Variants in RELN observed in about 807,000 individuals in gnomAD.
The protein encoded by RELN is reelin.
RELN carries 108 observed loss-of-function variants against 427.6 expected under a neutral mutation model. That is an observed-to-expected ratio of 0.25 (90% CI 0.22 to 0.30). The LOEUF is 0.30. Ranked by LOEUF, RELN falls within the 10% of genes least tolerant of loss-of-function variation. The probability of loss-of-function intolerance (pLI) is 1.00; values close to 1 mark genes in which losing one functional copy is unlikely to be tolerated. For missense variants in RELN, 3,715 were observed against 4,302.8 expected (o/e 0.86, Z 3.82); for synonymous variants, 1,524 against 1,513.4 (o/e 1.01, Z -0.16).
rs372441410 is a variant in RELN, at chr7:103,483,756, G to A, written c.10078C>T (p.Leu3360=). The A allele has an allele frequency of 6.2e-7, 1 of 1,614,120 alleles. No homozygotes were observed. Among genetic ancestry groups the A allele is most frequent in the South Asian group, 1.1e-5 (1 of 91,082 alleles). Residue 3360 remains leucine (L), a synonymous_variant, in exon 62 of 65, where the codon CTG becomes TTG. Transcript: ENST00000428762. ...CCGTTGTTGACGCTGTATTGCAGCA[G>A]CACTGCCTTGTCCACAGCGTGGGGG... ...SGPHAVDKAV[L]LQYSVNNGIT... is the part of the protein sequence containing the mutation.
At position 103,968,746 on chromosome 7, in the gene RELN, A is replaced by C. The variant is rs780777115; in HGVS notation, c.226+20385T>G. Among the ~76,000 whole-genome samples the C allele has an allele frequency of 1.3e-5, 2 of 152,208 alleles. No individual in the cohort carries two copies. Among genetic ancestry groups the C allele is most frequent in the Non-Finnish European group, 2.9e-5 (2 of 68,034 alleles). ...GAACCCATGAGAAGATGTATTTTTA[A>C]ATGATCATCCAAAAATGCTAAAGGA... is the stretch of plus-strand genomic sequence containing the variant. On this transcript the variant is annotated intron_variant, in intron 1 of 64. Transcript: ENST00000428762. The surrounding 1 kb of genome is among the most constrained non-coding windows in gnomAD (Gnocchi z 4.3).
chr7:103,856,829 A>G (rs1250577317), intron 2 of RELN, among the ~76,000 whole-genome samples: 3 of 152,092 alleles, frequency 2.0e-5, no homozygotes, highest in Admixed American at 6.6e-5. Flanking sequence ...TTTATCATGC[A>G]TGCATAATTA....
chr7:103,809,150 C>A (rs1012791843), intron 3 of RELN, among the ~76,000 whole-genome samples: 1 of 152,146 alleles, frequency 6.6e-6, no homozygotes, highest in Admixed American at 6.6e-5. Context: ...AGGAGCATTG[C>A]CTTTCCAATT....
At position 103,574,264 on chromosome 7, in the gene RELN, G is replaced by A. The variant is rs1383302501; in HGVS notation, c.4339C>T (p.His1447Tyr). Residue 1447 changes from histidine to tyrosine, a missense_variant, in exon 30 of 65, where the codon CAC becomes TAC. His to Tyr is a moderately conservative substitution (Grantham distance 83). This residue lies in a region of RELN where 2,208 missense variants were observed against 2,361.7 expected (regional missense o/e 0.93). Coordinates refer to ENST00000428762, the MANE Select transcript of RELN (RefSeq NM_005045.4). ...TCAAACCTATCGAACATCTCATTGT[G>A]ATTGGGGACATTTGACACACAGGTT... ...QGTCVSNVPNHNEMFDRFEGK... is the reference protein window; with the variant it reads ...QGTCVSNVPNYNEMFDRFEGK... The A allele has an allele frequency of 6.2e-7, 1 of 1,614,030 alleles. No individual in the cohort carries two copies. Among genetic ancestry groups the A allele is most frequent in the Non-Finnish European group, 8.5e-7 (1 of 1,180,030 alleles).
At chr7:103,508,194 A>C (rs1366841407) in intron 51 of RELN, among the ~76,000 whole-genome samples, 1 of 152,230 alleles carries the variant, frequency 6.6e-6, no homozygotes, top group African/African-American at 2.4e-5. Context: ...TGAGGCCAGC[A>C]TCATCCTGCT....
At chr7:103,512,952 A>C (rs1829464398) in intron 50 of RELN, 1 of 152,168 alleles carries the variant, frequency 6.6e-6, no homozygotes, top group Non-Finnish European at 1.5e-5. Context: ...ATTTTGTCTG[A>C]GTATATATGC....
At chr7:103,576,678 T>G (rs1831010101) in intron 28 of RELN, among the ~76,000 whole-genome samples, 1 of 152,174 alleles carries the variant, frequency 6.6e-6, no homozygotes, top group South Asian at 2.1e-4. Flanking sequence ...AGGGAAGAGT[T>G]AAGTTTGTAC....
chr7:103,563,654 T>C lies in RELN; in HGVS notation c.5210+1624A>G, dbSNP rs1411573006. On this transcript the variant is annotated intron_variant, in intron 34 of 64. Transcript: ENST00000428762. This position sits in a 1 kb window ranked among gnomAD's most constrained non-coding sequence, Gnocchi z 4.1. ...AATCTATAGTAGTGTACAGTAATAT[T>C]CTAGGCCTTCACATTCACTCACCAC... 1.3e-5 allele frequency among the ~76,000 whole-genome samples: 2 copies of C among 152,178 alleles called. No individual in the cohort carries two copies.
At chr7:103,973,259 T>C (rs905064173) in intron 1 of RELN, among the ~76,000 whole-genome samples, 4 of 152,018 alleles carry the variant, frequency 2.6e-5, no homozygotes, top group African/African-American at 9.7e-5. Flanking sequence ...TAAGAGAGAG[T>C]GTCTGTGTGG....
intron 8 of RELN, among the ~76,000 whole-genome samples, chr7:103,701,892 G>A (rs1834100565): frequency 6.6e-6 from 1 of 152,158 alleles, no homozygotes; most frequent in South Asian, 2.1e-4. Context: ...CTCAGTTTCA[G>A]CAAATGGCAT....
At position 103,573,381 on chromosome 7, in the gene RELN, T is replaced by A. The variant is rs1325240765; in HGVS notation, c.4511+711A>T. Among the ~76,000 whole-genome samples, 1 of 152,144 alleles carries A rather than the reference T, an allele frequency of 6.6e-6. No individual in the cohort carries two copies. The highest frequency in any genetic ancestry group is 1.5e-5 in the Non-Finnish European group (1 of 68,028). ...CAGTCAGTACGATGTAAATTATGCC[T>A]CAGTCCATAGCGACTGACAGAGAGT... is the stretch of plus-strand genomic sequence containing the variant. On this transcript the variant is annotated intron_variant, in intron 30 of 64. Coordinates refer to ENST00000428762, the MANE Select transcript of RELN (RefSeq NM_005045.4). The surrounding 1 kb of genome is among the most constrained non-coding windows in gnomAD (Gnocchi z 4.4).
Position 103,696,780 on chromosome 7 carries a change from C to T in RELN, c.1143+1073G>A, listed in dbSNP as rs150821990. Among the ~76,000 whole-genome samples, 102 of 152,176 alleles carry T rather than the reference C, an allele frequency of 6.7e-4. No homozygotes were observed. The South Asian group carries it at 8.3e-3, about 12-fold the overall frequency. Reference sequence around the variant, plus strand: ...CTCTGCATGCACTTTTTCTTCCTTCCGTTCAGTCCTCTATCCTCAAAGGGA... The same window carrying T: ...CTCTGCATGCACTTTTTCTTCCTTCTGTTCAGTCCTCTATCCTCAAAGGGA... On this transcript the variant is annotated intron_variant, in intron 10 of 64. Transcript: ENST00000428762.
intron 2 of RELN, among the ~76,000 whole-genome samples, chr7:103,842,574 C>T (rs1163012235): frequency 6.6e-6 from 1 of 152,130 alleles, no homozygotes; most frequent in Non-Finnish European, 1.5e-5. Flanking sequence ...GGTATGAAAA[C>T]AATAGCTCTT....
At chr7:103,565,675 G>T in intron 33 of RELN, 124 bp from the exon 34 acceptor site, 1 of 857,886 alleles carries the variant, frequency 1.2e-6, no homozygotes, top group Non-Finnish European at 1.8e-6. Context: ...TGCCCCCTAT[G>T]TGCTTTGACT....
In RELN at chr7:103,822,724, T is replaced by C. The variant is rs1793043385; in HGVS notation, c.473+10813A>G. ...GGTCAGGAGATCGAGACCATCCTGG[T>C]TAACAAGGTGAAACCCCGTCTCTAC... On this transcript the variant is annotated intron_variant, in intron 3 of 64. Transcript: ENST00000428762. Among the ~76,000 whole-genome samples the C allele has an allele frequency of 1.1e-3, 2 of 1,882 alleles. 1 individual carries two copies. Among genetic ancestry groups the C allele is most frequent in the Non-Finnish European group, 7.8e-3 (2 of 256 alleles). The allele number at this position is 1,882 out of a possible 152,430, so 1.2% of individuals were successfully genotyped here.
At chr7:103,534,877 G>T (rs1271308456) in intron 46 of RELN, among the ~76,000 whole-genome samples, 1 of 151,996 alleles carries the variant, frequency 6.6e-6, no homozygotes. Context: ...TAATTTAAAG[G>T]TACATTTATT....
intron 52 of RELN, among the ~76,000 whole-genome samples, chr7:103,501,295 T>C (rs565122746): frequency 6.6e-6 from 1 of 152,324 alleles, no homozygotes; most frequent in South Asian, 2.1e-4. Context: ...ATTTCTGAAA[T>C]TGTACAGAAG....
At chr7:103,941,088 T>G (rs994377424) in intron 1 of RELN, among the ~76,000 whole-genome samples, 4 of 152,142 alleles carry the variant, frequency 2.6e-5, no homozygotes, top group African/African-American at 9.7e-5. Context: ...CTTCCCTTCC[T>G]GCCCCCTCAC....
chr7:103,711,673 T>A (rs550091439), intron 8 of RELN, among the ~76,000 whole-genome samples: 89 of 152,268 alleles, frequency 5.8e-4, no homozygotes, highest in African/African-American at 2.1e-3. Context: ...GCTATTTTTT[T>A]AAAGGCAGGG....
Sources: gnomAD v4.1 joint callset for allele counts (sites outside exome capture counted in the v4.1 genomes callset) on GRCh38, gnomAD v4.1.1 for gene constraint, gnomAD v4.1.1 regional missense constraint, Gnocchi (gnomAD v3.1) non-coding constraint, MANE v1.5 for transcripts, NCBI Gene and HGNC (gene_info 2026-07-23, HGNC 2026-07-21) for gene names.